The following DPP9 variants were observed in gnomAD, a reference collection of about 807,000 sequenced individuals.
DPP9 encodes dipeptidyl peptidase 9, also known as dipeptidyl peptidase IV-related protein-2.
A neutral mutation model predicts 110.7 loss-of-function variants in DPP9; 50 were observed. The ratio of observed to expected loss-of-function variants is 0.45; its 90% confidence interval spans 0.36 to 0.57. The LOEUF is 0.57. Ranked by LOEUF, DPP9 falls within the 20% of genes least tolerant of loss-of-function variation. The pLI is 0.00. For missense variants in DPP9, 1,022 were observed against 1,217.9 expected, an observed-to-expected ratio of 0.84 and a Z score of 2.39; for synonymous variants, 561 against 514.4, an observed-to-expected ratio of 1.09 and a Z score of -1.23.
rs1248939730 is a variant in DPP9 at position 4,679,826 on chromosome 19, G to C, written c.2586+9C>G. 1.9e-6 allele frequency: 3 copies of C among 1,593,842 alleles called. No homozygotes were observed. The highest frequency in any genetic ancestry group is 2.6e-6 in the Non-Finnish European group (3 of 1,169,702). ...CGCGGAGGGGCCGAAGCCCCCAACA[G>C]CCACCCACCTGGAGCTGGTAAGGTT... On this transcript the variant is annotated intron_variant, in intron 21 of 21. Transcript: ENST00000262960.
chr19:4,702,929 G>A (rs985502129), intron 7 of DPP9, among the ~76,000 whole-genome samples: 14 of 150,580 alleles, frequency 9.3e-5, no homozygotes, highest in Admixed American at 4.6e-4. Flanking sequence ...GGACACTGGG[G>A]CCCTCTTGGT....
chr19:4,701,377 A>G (rs1327924603), intron 9 of DPP9, among the ~76,000 whole-genome samples: 3 of 152,112 alleles, frequency 2.0e-5, no homozygotes, highest in African/African-American at 4.8e-5. Flanking sequence ...CAGAGGTGGG[A>G]GGATCACTTG....
At position 4,690,804 on chromosome 19, in the gene DPP9, C is replaced by CGT. The variant is rs909836246; in HGVS notation, c.1596+72_1596+73dup. ...GAGTGTATGTGTGTGTATGCGCGTG[C>CGT]GTGTGTGTGTGAGTGTATGTGTGTA... On this transcript the variant is annotated intron_variant, in intron 14 of 21. Transcript: ENST00000262960. 52 of 1,136,382 alleles carry CGT rather than the reference C, an allele frequency of 4.6e-5. No individual in the cohort carries two copies. The Middle Eastern group carries it at 7.6e-4, about 17-fold the overall frequency. The allele number at this position is 1,136,382 out of a possible 1,614,324, so 70.4% of individuals were successfully genotyped here.
Position 4,696,283 on chromosome 19 carries a change from G to C in DPP9, c.1176-728C>G, listed in dbSNP as rs768002871. Among the ~76,000 whole-genome samples, 6 of 152,094 alleles carry C rather than the reference G, an allele frequency of 3.9e-5. No homozygotes were observed. The East Asian group carries it at 5.8e-4, about 15-fold the overall frequency. On this transcript the variant is annotated intron_variant, in intron 11 of 21. Transcript: ENST00000262960. ...TGGAAAAGCAGCACCTCCACACACAGAACAACGAAAACCAAACCAAAGGGA... is the reference window on the plus strand; with the variant it reads ...TGGAAAAGCAGCACCTCCACACACACAACAACGAAAACCAAACCAAAGGGA...
intron 14 of DPP9, among the ~76,000 whole-genome samples, 174 bp downstream of exon 14, chr19:4,690,703 GC>G (rs1568309777): frequency 1.3e-5 from 2 of 152,208 alleles, no homozygotes; most frequent in Non-Finnish European, 2.9e-5. Flanking sequence ...CCGTGCTGAG[GC>G]CTGCGAACTG....
Position 4,684,926 on chromosome 19 carries a change from A to T in DPP9, c.2032-117T>A, listed in dbSNP as rs1432463658. The T allele has an allele frequency of 7.4e-7, 1 of 1,348,416 alleles. No individual in the cohort carries two copies. Among genetic ancestry groups the T allele is most frequent in the African/African-American group, 1.4e-5 (1 of 69,028 alleles). 83.5% of individuals were successfully genotyped at this position (1,348,416 alleles called of 1,614,324 possible). ...GGCTGGGGCCTCAGAGCCTAATGAA[A>T]GCACCTGTGCCCCGGAGGCTCTGGA... On this transcript the variant is annotated intron_variant, in intron 17 of 21. Transcript: ENST00000262960. The surrounding 1 kb of genome is among the most constrained non-coding windows in gnomAD (Gnocchi z 4.8).
Position 4,706,005 on chromosome 19 carries a change from C to T in DPP9, c.314-35G>A, listed in dbSNP as rs753082034. The T allele has an allele frequency of 6.3e-6, 10 of 1,587,108 alleles. No homozygotes were observed. The South Asian group carries it at 7.8e-5, about 12-fold the overall frequency. On this transcript the variant is annotated intron_variant, in intron 4 of 21. Coordinates refer to ENST00000262960, the MANE Select transcript of DPP9 (RefSeq NM_139159.5). ...GAAAGGAAACACCCAGAACGGGTAC[C>T]CTGGCTCAGGATGGGGAGACGCCCT...
intron 21 of DPP9, 85 bp downstream of exon 21, chr19:4,679,750 G>C: frequency 9.3e-7 from 1 of 1,073,060 alleles, no homozygotes; most frequent in Non-Finnish European, 1.4e-6. Flanking sequence ...TGGTCACAGT[G>C]GGAAGCCACC....
chr19:4,706,603 G>T (rs1201709744), intron 4 of DPP9, among the ~76,000 whole-genome samples: 1 of 152,034 alleles, frequency 6.6e-6, no homozygotes, highest in Non-Finnish European at 1.5e-5. Flanking sequence ...ATGACTTGAG[G>T]TCAGGAGTTC....
intron 3 of DPP9, chr19:4,717,578 T>A (rs951938475): frequency 6.6e-6 from 1 of 152,250 alleles, no homozygotes; most frequent in Non-Finnish European, 1.5e-5. Flanking sequence ...CCCGCGTGGC[T>A]TGTTTTCATT....
intron 1 of DPP9, among the ~76,000 whole-genome samples, chr19:4,723,298 C>A (rs2093404063): frequency 6.6e-6 from 1 of 151,940 alleles, no homozygotes; most frequent in African/African-American, 2.4e-5. Context: ...ACCTCCAGAG[C>A]CTGCACGAAA....
chr19:4,709,871 C>T (rs2145844042), intron 4 of DPP9, among the ~76,000 whole-genome samples: 1 of 152,292 alleles, frequency 6.6e-6, no homozygotes, highest in Non-Finnish European at 1.5e-5. Flanking sequence ...AGGGACTCTC[C>T]AGGAGAGCTG....
chr19:4,701,761 C>T (rs1005102535), intron 9 of DPP9, among the ~76,000 whole-genome samples: 11 of 152,226 alleles, frequency 7.2e-5, no homozygotes, highest in Non-Finnish European at 1.5e-4. Flanking sequence ...AGCCTGCCTT[C>T]GTCTGGCCCT....
rs770307865 is a variant in DPP9 at position 4,695,465 on chromosome 19, C to T, written c.1266G>A (p.Glu422=). The change falls in exon 12 of 22, where the codon GAG becomes GAA. Residue 422 remains glutamate, a synonymous_variant. Coordinates refer to ENST00000262960, the MANE Select transcript of DPP9 (RefSeq NM_139159.5). This position sits in a 1 kb window ranked among gnomAD's most constrained non-coding sequence, Gnocchi z 4.7. ...PALFIPSTEN[E]EQRLASARAV... is the part of the protein sequence containing the mutation. ...CTCTGGCAGAGGCTAGCCGCTGCTC[C>T]TCATTCTCTGTGCTCGGGATGAACA... The T allele has an allele frequency of 1.3e-5, 20 of 1,586,840 alleles. No homozygotes were observed. Among genetic ancestry groups the T allele is most frequent in the Non-Finnish European group, 1.7e-5 (20 of 1,167,542 alleles).
At position 4,685,824 on chromosome 19, in the gene DPP9, A is replaced by ACC; in HGVS notation, c.1886-54_1886-53insGG. ...TGCCCGGGGAAGCCACATCCAGCTG[A>ACC]CACCCTTGTTCTCCTGCCCACCCCA... On this transcript the variant is annotated intron_variant, in intron 16 of 21. Transcript: ENST00000262960. This position sits in a 1 kb window ranked among gnomAD's most constrained non-coding sequence, Gnocchi z 5.8. The ACC allele has an allele frequency of 6.3e-7, 1 of 1,593,666 alleles. No individual in the cohort carries two copies. The highest frequency in any genetic ancestry group is 8.5e-7 in the Non-Finnish European group (1 of 1,171,300).
chr19:4,703,343 G>A (rs140265735), intron 7 of DPP9, among the ~76,000 whole-genome samples: 3 of 152,188 alleles, frequency 2.0e-5, no homozygotes, highest in East Asian at 1.9e-4. Flanking sequence ...ACCACAGAGC[G>A]GCAGGGTGCG....
Position 4,676,615 on chromosome 19 carries a change from C to A in DPP9, c.2628G>T (p.Ser876=), listed in dbSNP as rs547336480. The A allele has an allele frequency of 2.9e-5, 47 of 1,609,074 alleles. No individual in the cohort carries two copies. The East Asian group carries it at 1.0e-3, about 35-fold the overall frequency. ...GCAACGTGACTTCATAGTGCTCGCC[C>A]GACTCGGGGCAGCGAATACTGTGTC... ...NERHSIRCPE[S]GEHYEVTLLH... The change falls in exon 22 of 22, where the codon TCG becomes TCT. Residue 876 remains serine, a synonymous_variant. Transcript: ENST00000262960. This position sits in a 1 kb window ranked among gnomAD's most constrained non-coding sequence, Gnocchi z 4.0.
rs888297197 is a variant in DPP9, at chr19:4,714,272, C to T, written c.122G>A (p.Gly41Asp). 1.9e-6 allele frequency: 3 copies of T among 1,558,888 alleles called. No individual in the cohort carries two copies. Among genetic ancestry groups the T allele is most frequent in the South Asian group, 1.2e-5 (1 of 86,008 alleles). Residue 41 changes from glycine to aspartate, a missense_variant, in exon 4 of 22, where the codon GGC becomes GAC. Gly to Asp is a moderately conservative substitution (Grantham distance 94). Coordinates refer to ENST00000262960, the MANE Select transcript of DPP9 (RefSeq NM_139159.5). Reference protein sequence around the residue: ...ATTGTPTADRGDAAATDDPAA... With the variant: ...ATTGTPTADRDDAAATDDPAA... Reference sequence around the variant, plus strand: ...CGGGTCATCTGTGGCGGCTGCGTCGCCTCGGTCGGCCGTTGGGGTCCCGGT... The same window carrying T: ...CGGGTCATCTGTGGCGGCTGCGTCGTCTCGGTCGGCCGTTGGGGTCCCGGT...
Position 4,676,167 on chromosome 19 carries a change from G to T in DPP9, c.*397C>A. 1 of 200,994 alleles carries T rather than the reference G, an allele frequency of 5.0e-6. No individual in the cohort carries two copies. The highest frequency in any genetic ancestry group is 1.0e-5 in the Non-Finnish European group (1 of 99,018). The allele number at this position is 200,994 out of a possible 1,614,324, so 12.5% of individuals were successfully genotyped here. On this transcript the variant is annotated 3_prime_UTR_variant, in exon 22 of 22. Transcript: ENST00000262960. This position sits in a 1 kb window ranked among gnomAD's most constrained non-coding sequence, Gnocchi z 4.0. ...GGGGGGGACAGGCAATTGCATGCTT[G>T]GGTGCTGGGGACGGTGGCTGGCCGG...
Sources: allele counts gnomAD v4.1 joint callset (sites outside exome capture counted in the v4.1 genomes callset), GRCh38; gene constraint gnomAD v4.1.1; non-coding constraint Gnocchi (gnomAD v3.1); transcripts MANE v1.5; gene names NCBI Gene and HGNC (gene_info 2026-07-23, HGNC 2026-07-21).